The following TBCB variants were observed in gnomAD, a reference collection of about 807,000 sequenced individuals.
TBCB encodes the protein tubulin-folding cofactor B.
Under a neutral mutation model 29.2 loss-of-function variants are expected in TBCB, and 18 were observed. The observed-to-expected ratio is 0.62, with a 90% confidence interval of 0.43 to 0.91. The LOEUF is 0.91. TBCB is among the 40% of genes least tolerant of loss of function. The pLI is 0.00. For missense variants in TBCB, 336 were observed against 337.6 expected (o/e 1.00, Z 0.04); for synonymous variants, 172 against 137.8 (o/e 1.25, Z -1.74).
intron 1 of TBCB, 33 bp from the exon 2 acceptor site, chr19:36,116,008 C>T (rs765500716): frequency 3.7e-6 from 6 of 1,602,122 alleles, no homozygotes; most frequent in East Asian, 4.5e-5. Flanking sequence ...GCCTCCGTGG[C>T]CTCCTTCTTC....
Position 36,115,558 on chromosome 19 carries a change from A to T in TBCB, c.-3A>T. 1 of 1,603,192 alleles carries T rather than the reference A, an allele frequency of 6.2e-7. No homozygotes were observed. Among genetic ancestry groups the T allele is most frequent in the Middle Eastern group, 1.7e-4 (1 of 5,952 alleles). On this transcript the variant is annotated 5_prime_UTR_variant, in exon 1 of 6. Coordinates refer to ENST00000221855, the MANE Select transcript of TBCB (RefSeq NM_001281.3). ...GCTGCAGGCATCCGCAGGGCGCGGC[A>T]AGATGGAGGTGACGGGGGTGTCGGC...
At position 36,116,142 on chromosome 19, in the gene TBCB, G is replaced by A. The variant is rs916830096; in HGVS notation, c.216G>A (p.Ala72=). ...KFYSKLDQED[A]LLGSYPVDDG... Reference sequence around the variant, plus strand: ...ACAGCAAGCTGGATCAAGAGGATGCGCTCCTGGGCTCCTACCCTGTAGATG... The same window carrying A: ...ACAGCAAGCTGGATCAAGAGGATGCACTCCTGGGCTCCTACCCTGTAGATG... The change falls in exon 2 of 6, where the codon GCG becomes GCA. Residue 72 remains alanine, a synonymous_variant. Transcript: ENST00000221855. 11 of 1,614,054 alleles carry A rather than the reference G, an allele frequency of 6.8e-6. No homozygotes were observed. The highest frequency in any genetic ancestry group is 9.3e-6 in the Non-Finnish European group (11 of 1,180,044).
Position 36,125,528 on chromosome 19 carries a change from C to A in TBCB, c.620+5C>A. On this transcript the variant is annotated splice_donor_5th_base_variant and intron_variant, in intron 5 of 5. Coordinates refer to ENST00000221855, the MANE Select transcript of TBCB (RefSeq NM_001281.3). ...ACTGGGGAAAAATGATGGCAGGTAA[C>A]AAGAATTCCCACTCAGGTGTCTGTG... The A allele has an allele frequency of 6.2e-7, 1 of 1,614,196 alleles. No individual in the cohort carries two copies. Among genetic ancestry groups the A allele is most frequent in the Non-Finnish European group, 8.5e-7 (1 of 1,180,026 alleles).
intron 2 of TBCB, among the ~76,000 whole-genome samples, chr19:36,119,940 C>T (rs986593402): frequency 6.6e-6 from 1 of 151,920 alleles, no homozygotes; most frequent in Admixed American, 6.6e-5. Context: ...CTTGTGTCTT[C>T]CACTCTCCCT....
rs1324965640 is a variant in TBCB, at chr19:36,115,564, G to A, written c.4G>A (p.Glu2Lys). M[E>K]VTGVSAPTVT... ...GGCATCCGCAGGGCGCGGCAAGATG[G>A]AGGTGACGGGGGTGTCGGCACCCAC... Residue 2 changes from glutamate (E) to lysine (K), a missense_variant, in exon 1 of 6, where the codon GAG (glutamate) becomes AAG (lysine). Transcript: ENST00000221855. 2 of 1,606,402 alleles carry A rather than the reference G, an allele frequency of 1.2e-6. No individual in the cohort carries two copies. Among genetic ancestry groups the A allele is most frequent in the South Asian group, 2.2e-5 (2 of 89,720 alleles).
chr19:36,114,995 G>T (rs1973918706), upstream of TBCB: 5 of 801,066 alleles, frequency 6.2e-6, no homozygotes, highest in Admixed American at 4.9e-5. This position sits in a 1 kb window ranked among gnomAD's most constrained non-coding sequence, Gnocchi z 4.5. Flanking sequence ...CGCCGCCTCG[G>T]GCTCGGCTCT....
intron 4 of TBCB, among the ~76,000 whole-genome samples, chr19:36,122,349 G>GT (rs1974069805): frequency 1.3e-5 from 2 of 152,020 alleles, no homozygotes; most frequent in African/African-American, 4.8e-5. Flanking sequence ...GGAGAACAAG[G>GT]TGGGAGGCTT....
At chr19:36,117,194 ACT>A (rs1163187592) in intron 2 of TBCB, among the ~76,000 whole-genome samples, 3 of 152,072 alleles carry the variant, frequency 2.0e-5, no homozygotes, top group East Asian at 3.9e-4. Context: ...CCTCTGACAC[ACT>A]CTGGATTTCT....
intron 4 of TBCB, among the ~76,000 whole-genome samples, chr19:36,123,100 T>C (rs997257495): frequency 7.2e-5 from 11 of 152,184 alleles, no homozygotes; most frequent in Non-Finnish European, 1.5e-4. Flanking sequence ...TGCTTTCAAG[T>C]TTCATCCGTG....
intron 3 of TBCB, 64 bp downstream of exon 3, chr19:36,120,870 C>A: frequency 6.5e-7 from 1 of 1,533,066 alleles, no homozygotes; most frequent in Non-Finnish European, 9.0e-7. Context: ...GGTATGAGGG[C>A]GGGCAGGTTA....
chr19:36,115,060 G>C, upstream of TBCB: 2 of 604,370 alleles, frequency 3.3e-6, no homozygotes, highest in Non-Finnish European at 5.9e-6. Flanking sequence ...TAGAGTAATT[G>C]CTTCCAATTT....
At chr19:36,116,286 C>T (rs1973953284) in intron 2 of TBCB, 102 bp downstream of exon 2, 7 of 1,490,532 alleles carry the variant, frequency 4.7e-6, no homozygotes, top group Non-Finnish European at 2.7e-6. Flanking sequence ...GAGATAGGTC[C>T]TGCCTTCGTG....
chr19:36,120,515 G>T (rs781532529), intron 2 of TBCB, 195 bp from the exon 3 acceptor site: 67 of 568,592 alleles, frequency 1.2e-4, no homozygotes, highest in Admixed American at 7.7e-4. Context: ...CTTGGATGGG[G>T]GTGAGGAAGG....
Position 36,120,782 on chromosome 19 carries a change from CAAG to C in TBCB, c.335_337del (p.Glu112del). 6.2e-7 allele frequency: 1 copy of C among 1,613,900 alleles called. No homozygotes were observed. Among genetic ancestry groups the C allele is most frequent in the Non-Finnish European group, 8.5e-7 (1 of 1,179,964 alleles). On this transcript the variant is annotated inframe_deletion, in exon 3 of 6. Coordinates refer to ENST00000221855, the MANE Select transcript of TBCB (RefSeq NM_001281.3). ...CCGGGTGGAGAAGTACACGATCTCA[CAAG>C]AAGCCTACGACCAGAGGCAAGGTAC...
In TBCB at chr19:36,120,694, C is replaced by T. The variant is rs768956234; in HGVS notation, c.259-16C>T. Reference sequence around the variant, plus strand: ...GGCCAGACCCTGATCCCCACGGAGCCCCTCCCCTCACACAGGTCATTGACC... The same window carrying T: ...GGCCAGACCCTGATCCCCACGGAGCTCCTCCCCTCACACAGGTCATTGACC... On this transcript the variant is annotated splice_polypyrimidine_tract_variant and intron_variant, in intron 2 of 5. Transcript: ENST00000221855. 1.5e-5 allele frequency: 24 copies of T among 1,613,352 alleles called. No homozygotes were observed. The highest frequency in any genetic ancestry group is 1.4e-5 in the Non-Finnish European group (16 of 1,179,542).
chr19:36,120,669 G>A, intron 2 of TBCB, 41 bp from the exon 3 acceptor site: 1 of 1,599,224 alleles, frequency 6.3e-7, no homozygotes, highest in Non-Finnish European at 8.6e-7. Flanking sequence ...AGGCCTCCCT[G>A]GCCAGACCCT....
chr19:36,121,820 C>A (rs751594919), intron 4 of TBCB, 102 bp downstream of exon 4: 52 of 1,445,874 alleles, frequency 3.6e-5, no homozygotes, highest in Non-Finnish European at 3.9e-5. Flanking sequence ...TGCCTAGGGG[C>A]GCGGGGTTGG....
At chr19:36,118,507 C>T (rs980714633) in intron 2 of TBCB, 1 of 152,022 alleles carries the variant, frequency 6.6e-6, no homozygotes, top group African/African-American at 2.4e-5. Flanking sequence ...CGGTGAAACC[C>T]CGTCTCTCCT....
chr19:36,115,810 G>A (rs1973940731), intron 1 of TBCB, 136 bp downstream of exon 1: 3 of 1,102,882 alleles, frequency 2.7e-6, no homozygotes, highest in East Asian at 5.2e-5. Context: ...CTGGGGACCC[G>A]GTCGCGGCGG....
Sources: allele counts gnomAD v4.1 joint callset (sites outside exome capture counted in the v4.1 genomes callset), GRCh38; gene constraint gnomAD v4.1.1; non-coding constraint Gnocchi (gnomAD v3.1); transcripts MANE v1.5; gene names NCBI Gene and HGNC (gene_info 2026-07-23, HGNC 2026-07-21).